CEACAM4: variants seen among roughly 807,000 people sequenced by gnomAD.
CEACAM4 encodes the protein CEA cell adhesion molecule 4.
A neutral mutation model predicts 28.7 loss-of-function variants in CEACAM4; 30 were observed. That is an observed-to-expected ratio of 1.05 (90% CI 0.78 to 1.42). The LOEUF (loss-of-function observed/expected upper bound fraction) is 1.42, where lower values mean the gene tolerates loss of function less well. Ranked by LOEUF, CEACAM4 falls within the 40% of genes most tolerant of loss-of-function variation. The pLI is 0.00. For missense variants in CEACAM4, 330 were observed against 308.2 expected (o/e 1.07, Z -0.53); for synonymous variants, 143 against 126.5 (o/e 1.13, Z -0.87).
At chr19:41,616,106 T>G (rs567789032), downstream of CEACAM4, among the ~76,000 whole-genome samples, 9 of 152,276 alleles carry the variant, frequency 5.9e-5, no homozygotes, top group Admixed American at 3.9e-4. Flanking sequence ...CTCAGCTCAC[T>G]GCAACTTGTG....
intron 1 of CEACAM4, 65 bp downstream of exon 1, chr19:41,626,835 C>G: frequency 6.8e-7 from 1 of 1,472,434 alleles, no homozygotes; most frequent in East Asian, 2.3e-5. Flanking sequence ...CCCCTCCTAC[C>G]CAAGAGACCC....
chr19:41,618,840 T>C, downstream of CEACAM4: 1 of 156,574 alleles, frequency 6.4e-6, no homozygotes, highest in South Asian at 1.9e-4. Flanking sequence ...AATCTTGCCC[T>C]TTCCTGTGTA....
chr19:41,618,622 T>A (rs1257915326), downstream of CEACAM4, among the ~76,000 whole-genome samples: 1 of 152,126 alleles, frequency 6.6e-6, no homozygotes, highest in Non-Finnish European at 1.5e-5. Context: ...CACTGGAGGC[T>A]GCGTAGGGGC....
the CEACAM4 span, among the ~76,000 whole-genome samples, chr19:41,613,465 AG>A: frequency 6.6e-6 from 1 of 151,930 alleles, no homozygotes; most frequent in East Asian, 1.9e-4. Context: ...TATTACTTAC[AG>A]GTCCTGGGGG....
chr19:41,613,886 G>A, the CEACAM4 span, among the ~76,000 whole-genome samples: 1 of 152,218 alleles, frequency 6.6e-6, no homozygotes, highest in South Asian at 2.1e-4. Flanking sequence ...CTTCTGGTAT[G>A]AGAAAGTCCA....
downstream of CEACAM4, among the ~76,000 whole-genome samples, chr19:41,615,023 G>A (rs1186912462): frequency 6.6e-6 from 1 of 152,024 alleles, no homozygotes; most frequent in African/African-American, 2.4e-5. Context: ...ACATCACAAA[G>A]GTTGGAACCT....
chr19:41,625,916 T>C lies in CEACAM4; in HGVS notation c.109A>G (p.Thr37Ala). Residue 37 changes from threonine to alanine, a missense_variant, in exon 2 of 7, where the codon ACT becomes GCT. By Grantham distance (58) the Thr-to-Ala change is moderately conservative. Coordinates refer to ENST00000221954, the MANE Select transcript of CEACAM4 (RefSeq NM_001817.4). ...GCACTGGACGGCAGGGCTTCAATAGTGAACTGGACAGTGGTGGGCGGGTGC... is the reference window on the plus strand; with the variant it reads ...GCACTGGACGGCAGGGCTTCAATAGCGAACTGGACAGTGGTGGGCGGGTGC... ...FWHPPTTVQF[T>A]IEALPSSAAE... 1 of 1,613,586 alleles carries C rather than the reference T, an allele frequency of 6.2e-7. No individual in the cohort carries two copies. Among genetic ancestry groups the C allele is most frequent in the Non-Finnish European group, 8.5e-7 (1 of 1,179,768 alleles).
At chr19:41,623,649 A>T (rs1442045763) in intron 2 of CEACAM4, among the ~76,000 whole-genome samples, 1 of 151,872 alleles carries the variant, frequency 6.6e-6, no homozygotes, top group Non-Finnish European at 1.5e-5. Flanking sequence ...CATGATGGCT[A>T]GAGGGGGCTG....
At position 41,621,645 on chromosome 19, in the gene CEACAM4, C is replaced by A; in HGVS notation, c.542+6G>T. 1 of 1,538,110 alleles carries A rather than the reference C, an allele frequency of 6.5e-7. No individual in the cohort carries two copies. The highest frequency in any genetic ancestry group is 2.3e-5 in the East Asian group (1 of 44,376). On this transcript the variant is annotated splice_donor_region_variant and intron_variant, in intron 3 of 6. Transcript: ENST00000221954. ...GTGGGAGGAGGCTGGGGAAAAGCTG[C>A]GGTACCTTCCAGTCCTGGAGAGAAG...
rs373935246 is a variant in CEACAM4 at position 41,620,201 on chromosome 19, A to C, written c.627+10T>G. The C allele has an allele frequency of 4.7e-6, 7 of 1,493,494 alleles. No individual in the cohort carries two copies. The African/African-American group carries it at 1.0e-4, about 21-fold the overall frequency. 92.5% of individuals were successfully genotyped at this position (1,493,494 alleles called of 1,614,324 possible). ...CCAGTAGAAAAGGGCTGGGGAGGGA[A>C]CAGGCTTACCGAGAAGGTGGATCTG... On this transcript the variant is annotated intron_variant, in intron 5 of 6. Coordinates refer to ENST00000221954, the MANE Select transcript of CEACAM4 (RefSeq NM_001817.4).
intron 1 of CEACAM4, 143 bp from the exon 2 acceptor site, chr19:41,626,103 TGTGTGTGTGTGTG>T: frequency 2.0e-6 from 1 of 505,616 alleles, no homozygotes; most frequent in Non-Finnish European, 3.3e-6. Flanking sequence ...TGTGTGTGTG[TGTGTGTGTGTGTG>T]TGTGTGTGTC....
At chr19:41,613,541 A>G in the CEACAM4 span, among the ~76,000 whole-genome samples, 81 of 152,110 alleles carry the variant, frequency 5.3e-4, 1 homozygote, top group Non-Finnish European at 1.0e-3. Flanking sequence ...CCACACACAC[A>G]CACAGAGGTC....
At chr19:41,616,288 T>G (rs1555798806), downstream of CEACAM4, among the ~76,000 whole-genome samples, 2 of 152,110 alleles carry the variant, frequency 1.3e-5, no homozygotes, top group Non-Finnish European at 2.9e-5. Flanking sequence ...TGCCTCAGCC[T>G]CCAAAAGTGC....
downstream of CEACAM4, among the ~76,000 whole-genome samples, chr19:41,615,296 G>C (rs973457769): frequency 8.6e-5 from 13 of 151,982 alleles, no homozygotes; most frequent in African/African-American, 3.1e-4. Context: ...TAGATCTGAG[G>C]CTGTGTCTGG....
chr19:41,619,778 G>C (rs2071147013), intron 5 of CEACAM4, 67 bp from the exon 6 acceptor site: 2 of 1,354,450 alleles, frequency 1.5e-6, no homozygotes, highest in South Asian at 2.9e-5. Context: ...AGCCTGGAAG[G>C]TTCCTGTCTC....
At chr19:41,626,658 A>G (rs1555804314) in intron 1 of CEACAM4, among the ~76,000 whole-genome samples, 1 of 152,184 alleles carries the variant, frequency 6.6e-6, no homozygotes, top group South Asian at 2.1e-4. Flanking sequence ...ATTAACCAGG[A>G]CGAGAGAACA....
At chr19:41,626,061 G>GGTGT in intron 1 of CEACAM4, 101 bp from the exon 2 acceptor site, 2 of 700,236 alleles carry the variant, frequency 2.9e-6, no homozygotes, top group Non-Finnish European at 4.4e-6. Context: ...CCTCAGCCTT[G>GGTGT]GAGTGTGTGT....
At chr19:41,620,711 A>G (rs1351025105) in intron 3 of CEACAM4, 84 bp from the exon 4 acceptor site, 1 of 1,176,660 alleles carries the variant, frequency 8.5e-7, no homozygotes, top group African/African-American at 1.5e-5. Context: ...AAGGGACTCC[A>G]TTTTCAAGGA....
intron 2 of CEACAM4, among the ~76,000 whole-genome samples, chr19:41,624,289 A>G (rs189674468): frequency 6.6e-6 from 1 of 152,138 alleles, no homozygotes; most frequent in Admixed American, 6.5e-5. Flanking sequence ...ACTACGGAGT[A>G]TGTGTCTCAC....
Sources: gnomAD v4.1 joint callset for allele counts (sites outside exome capture counted in the v4.1 genomes callset) on GRCh38, gnomAD v4.1.1 for gene constraint, MANE v1.5 for transcripts, NCBI Gene and HGNC (gene_info 2026-07-23, HGNC 2026-07-21) for gene names.